ADAMTS15: variants seen among roughly 807,000 people sequenced by gnomAD.
The protein encoded by ADAMTS15 is A disintegrin and metalloproteinase with thrombospondin motifs 15.
Under a neutral mutation model 79.1 loss-of-function variants are expected in ADAMTS15, and 35 were observed. That is an observed-to-expected ratio of 0.44 (90% CI 0.34 to 0.59). ADAMTS15 has a LOEUF of 0.59. Ranked by LOEUF, ADAMTS15 falls within the 20% of genes least tolerant of loss-of-function variation. The pLI, the probability that ADAMTS15 is intolerant of heterozygous loss-of-function variation, is 0.02. For missense variants in ADAMTS15, 1,324 were observed against 1,318.7 expected (o/e 1.00, Z -0.06); for synonymous variants, 616 against 567.3 (o/e 1.09, Z -1.22).
At chr11:130,467,487 A>G (rs1002412272) in intron 4 of ADAMTS15, among the ~76,000 whole-genome samples, 4 of 152,218 alleles carry the variant, frequency 2.6e-5, no homozygotes, top group Non-Finnish European at 5.9e-5. Context: ...AACAAAAGCT[A>G]TCTGACAAAA....
intron 4 of ADAMTS15, among the ~76,000 whole-genome samples, chr11:130,466,869 G>A (rs1028585242): frequency 6.6e-6 from 1 of 152,084 alleles, no homozygotes. Flanking sequence ...CCCTTTCCCT[G>A]ATGTCTGCCT....
intron 1 of ADAMTS15, 33 bp from the exon 2 acceptor site, chr11:130,461,456 C>T (rs376090898): frequency 1.0e-4 from 168 of 1,613,656 alleles, no homozygotes; most frequent in South Asian, 1.2e-4. Flanking sequence ...TCTCTAACTT[C>T]GGGCTGGCTT....
chr11:130,473,158 C>A lies in ADAMTS15; in HGVS notation c.2190C>A (p.Asn730Lys), dbSNP rs373104610. The A allele has an allele frequency of 6.2e-7, 1 of 1,614,002 alleles. No individual in the cohort carries two copies. Among genetic ancestry groups the A allele is most frequent in the African/African-American group, 1.3e-5 (1 of 74,934 alleles). The stretch of plus-strand genomic sequence containing the variant: ...ATGACAACTACCTGGCTCTGAAGAA[C>A]AGCCAAGGCAAGTACCTGCTCAACG... ...IGDDNYLALK[N>K]SQGKYLLNGH... is the part of the protein sequence containing the mutation. The change falls in exon 8 of 8, where the codon AAC becomes AAA. Residue 730 changes from asparagine (N) to lysine (K), a missense_variant. Transcript: ENST00000299164.
chr11:130,470,152 GTGTATA>G (rs1258846411), intron 5 of ADAMTS15, among the ~76,000 whole-genome samples: 8 of 73,750 alleles, frequency 1.1e-4, no homozygotes, highest in African/African-American at 2.1e-4. Flanking sequence ...ATATATATAT[GTGTATA>G]TATATATATA....
chr11:130,470,447 C>T (rs1188827865), intron 5 of ADAMTS15, among the ~76,000 whole-genome samples: 1 of 151,474 alleles, frequency 6.6e-6, no homozygotes, highest in African/African-American at 2.4e-5. Flanking sequence ...GAATCCCTGA[C>T]CTCTGGTGAT....
In ADAMTS15 at chr11:130,473,198, T is replaced by G. The variant is rs745580540; in HGVS notation, c.2230T>G (p.Ser744Ala). The change falls in exon 8 of 8, where the codon TCG becomes GCG. Residue 744 changes from serine to alanine, a missense_variant. Physicochemically the swap from Ser to Ala is moderately conservative, Grantham distance 99. Coordinates refer to ENST00000299164, the MANE Select transcript of ADAMTS15 (RefSeq NM_139055.4). ...KYLLNGHFVV[S>A]AVERDLVVKG... ...CCTGCTCAACGGGCATTTCGTGGTG[T>G]CGGCGGTGGAGCGGGACCTGGTGGT... is the stretch of plus-strand genomic sequence containing the variant. 1.9e-6 allele frequency: 3 copies of G among 1,614,006 alleles called. No individual in the cohort carries two copies. Among genetic ancestry groups the G allele is most frequent in the Non-Finnish European group, 2.5e-6 (3 of 1,180,024 alleles).
Position 130,449,132 on chromosome 11 carries a change from C to A in ADAMTS15, c.159C>A (p.Leu53=), listed in dbSNP as rs1274528651. The A allele has an allele frequency of 6.3e-7, 1 of 1,596,820 alleles. No individual in the cohort carries two copies. Among genetic ancestry groups the A allele is most frequent in the Non-Finnish European group, 8.6e-7 (1 of 1,168,544 alleles). Residue 53 remains leucine (L), a synonymous_variant, in exon 1 of 8, where the codon CTC becomes CTA. Coordinates refer to ENST00000299164, the MANE Select transcript of ADAMTS15 (RefSeq NM_139055.4). This position sits in a 1 kb window ranked among gnomAD's most constrained non-coding sequence, Gnocchi z 7.8. ...RGPEDSGDQG[L]IFQITAFQED... ...CCGAGGACTCCGGGGATCAGGGACTCATTTTTCAGATCACAGCATTTCAGG... is the reference window on the plus strand; with the variant it reads ...CCGAGGACTCCGGGGATCAGGGACTAATTTTTCAGATCACAGCATTTCAGG...
chr11:130,474,142 A>G lies in ADAMTS15; in HGVS notation c.*321A>G. On this transcript the variant is annotated 3_prime_UTR_variant, in exon 8 of 8. Transcript: ENST00000299164. ...GGAGGATGGGCACCTTCCAGGCAGA[A>G]CTTCAGGGACCCCGGCCCCCAGAAC... The G allele has an allele frequency of 3.6e-6, 1 of 280,480 alleles. No individual in the cohort carries two copies. The highest frequency in any genetic ancestry group is 6.7e-6 in the Non-Finnish European group (1 of 149,832). The allele number at this position is 280,480 out of a possible 1,614,324, so 17.4% of individuals were successfully genotyped here. A position where few individuals can be genotyped will look rare whatever the true frequency, so the allele number is the denominator to read the frequency against.
chr11:130,457,255 G>A (rs1766444447), intron 1 of ADAMTS15, among the ~76,000 whole-genome samples: 1 of 151,710 alleles, frequency 6.6e-6, no homozygotes, highest in Admixed American at 6.6e-5. Context: ...AAGTTAATGT[G>A]CTTGATTTTT....
At chr11:130,452,200 C>G (rs558618410) in intron 1 of ADAMTS15, among the ~76,000 whole-genome samples, 4 of 152,090 alleles carry the variant, frequency 2.6e-5, no homozygotes, top group African/African-American at 9.7e-5. Context: ...AAGGCAGATG[C>G]GGTCTCCGGG....
At chr11:130,467,851 C>A (rs1938334261) in intron 4 of ADAMTS15, among the ~76,000 whole-genome samples, 1 of 151,652 alleles carries the variant, frequency 6.6e-6, no homozygotes, top group African/African-American at 2.4e-5. Flanking sequence ...TTTAGGATTG[C>A]TTAATAATGT....
chr11:130,449,857 G>C lies in ADAMTS15; in HGVS notation c.884G>C (p.Trp295Ser), dbSNP rs1937926670. The C allele has an allele frequency of 6.2e-7, 1 of 1,605,876 alleles. No individual in the cohort carries two copies. Among genetic ancestry groups the C allele is most frequent in the African/African-American group, 1.3e-5 (1 of 74,928 alleles). The change falls in exon 1 of 8, where the codon TGG becomes TCG. Residue 295 changes from tryptophan (W) to serine (S), a missense_variant. By Grantham distance (177) the Trp-to-Ser change is radical. Coordinates refer to ENST00000299164, the MANE Select transcript of ADAMTS15 (RefSeq NM_139055.4). This position sits in a 1 kb window ranked among gnomAD's most constrained non-coding sequence, Gnocchi z 7.8. The part of the protein sequence containing the change: ...AALTLRNFCA[W>S]QKKLNKVSDK... ...CTGACGCTGCGCAACTTCTGTGCCT[G>C]GCAGAAGAAGCTGAACAAAGTGAGT...
chr11:130,451,774 C>T (rs953847278), intron 1 of ADAMTS15, among the ~76,000 whole-genome samples: 1 of 152,122 alleles, frequency 6.6e-6, no homozygotes, highest in Non-Finnish European at 1.5e-5. Context: ...AGGGACCATG[C>T]CGTCAGAAGG....
At position 130,473,677 on chromosome 11, in the gene ADAMTS15, A is replaced by C. The variant is rs1938513947; in HGVS notation, c.2709A>C (p.Ser903=). 1 of 1,604,278 alleles carries C rather than the reference A, an allele frequency of 6.2e-7. No homozygotes were observed. Among genetic ancestry groups the C allele is most frequent in the Non-Finnish European group, 8.5e-7 (1 of 1,179,866 alleles). The change falls in exon 8 of 8, where the codon TCA becomes TCC. Residue 903 remains serine, a synonymous_variant. Transcript: ENST00000299164. ...PCPTWELSAW[S]PCSKSCGRGF... ...CCACCTGGGAGCTCAGCGCCTGGTC[A>C]CCCTGCTCCAAGAGCTGCGGCCGGG...
intron 4 of ADAMTS15, among the ~76,000 whole-genome samples, chr11:130,464,596 CCCTTCCCATCATG>C (rs954777709): frequency 4.6e-5 from 7 of 152,136 alleles, no homozygotes; most frequent in Admixed American, 1.3e-4. Flanking sequence ...TCATGCCTCA[CCCTTCCCATCATG>C]CCTTCCCATC....
rs146508919 is a variant in ADAMTS15, at chr11:130,462,267, G to A, written c.1258+13G>A. Reference sequence around the variant, plus strand: ...GACAGCGGGCACGGTAAGCCAGGACGGCGGGAGGGCAATGAGGCCGCCTCG... The same window carrying A: ...GACAGCGGGCACGGTAAGCCAGGACAGCGGGAGGGCAATGAGGCCGCCTCG... On this transcript the variant is annotated intron_variant, in intron 3 of 7. Transcript: ENST00000299164. The surrounding 1 kb of genome is among the most constrained non-coding windows in gnomAD (Gnocchi z 4.3). 1.2e-3 allele frequency: 1,988 copies of A among 1,605,594 alleles called. 15 individuals carry two copies. In the African/African-American group the frequency reaches 0.015, roughly 12 times the overall value.
Position 130,448,859 on chromosome 11 carries a change from C to G in ADAMTS15, c.-115C>G. The G allele has an allele frequency of 1.3e-6, 1 of 778,844 alleles. No individual in the cohort carries two copies. Among genetic ancestry groups the G allele is most frequent in the Non-Finnish European group, 1.8e-6 (1 of 555,998 alleles). The allele number at this position is 778,844 out of a possible 1,614,324, so 48.2% of individuals were successfully genotyped here. On this transcript the variant is annotated 5_prime_UTR_variant, in exon 1 of 8. Coordinates refer to ENST00000299164, the MANE Select transcript of ADAMTS15 (RefSeq NM_139055.4). ...CTTGGCTCTCCTTTCTGGGAACTGC[C>G]GGCTGTCCCGTAGCGTTGGCGGTTC...
At position 130,464,994 on chromosome 11, in the gene ADAMTS15, A is replaced by G. The variant is rs117282066; in HGVS notation, c.1542+2214A>G. Among the ~76,000 whole-genome samples the G allele has an allele frequency of 2.6e-5, 4 of 152,146 alleles. No homozygotes were observed. In the East Asian group the frequency reaches 5.8e-4, roughly 22 times the overall value. ...GGAAAAAAAAAAAAAAGAAAAAGAA[A>G]AAAGTAAAATAAATTGATGACCCAG... is the stretch of plus-strand genomic sequence containing the variant. On this transcript the variant is annotated intron_variant, in intron 4 of 7. Transcript: ENST00000299164.
intron 5 of ADAMTS15, 136 bp from the exon 6 acceptor site, chr11:130,470,784 A>G: frequency 1.0e-6 from 1 of 968,520 alleles, no homozygotes; most frequent in South Asian, 1.6e-5. Context: ...GTGCTTTCAG[A>G]TGGGGGGAGG....
Sources: gnomAD v4.1 joint callset for allele counts (sites outside exome capture counted in the v4.1 genomes callset) on GRCh38, gnomAD v4.1.1 for gene constraint, Gnocchi (gnomAD v3.1) non-coding constraint, MANE v1.5 for transcripts, NCBI Gene and HGNC (gene_info 2026-07-23, HGNC 2026-07-21) for gene names.